TRAPPC12: variants seen among roughly 807,000 people sequenced by gnomAD.
TRAPPC12 encodes the protein trafficking protein particle complex subunit 12, also known as TPR repeat protein 15.
A neutral mutation model predicts 69.2 loss-of-function variants in TRAPPC12; 61 were observed. The observed-to-expected ratio is 0.88, with a 90% CI of 0.72 to 1.09. The LOEUF is 1.09. Among genes scored for constraint, TRAPPC12 ranks in the 50% least tolerant of loss-of-function variants. The pLI, the probability that TRAPPC12 is intolerant of heterozygous loss-of-function variation, is 0.00. For synonymous variants in TRAPPC12, 469 were observed against 438.9 expected, an observed-to-expected ratio of 1.07 and a Z score of -0.86; for missense variants, 1,101 against 1,016.4, an observed-to-expected ratio of 1.08 and a Z score of -1.13.
At chr2:3,428,130 G>T (rs1000408979) in intron 5 of TRAPPC12, among the ~76,000 whole-genome samples, 1 of 152,160 alleles carries the variant, frequency 6.6e-6, no homozygotes, top group Admixed American at 6.5e-5. Flanking sequence ...TCACTTTGAG[G>T]ACATTTTTTC....
At chr2:3,455,703 A>C (rs1288258546) in intron 6 of TRAPPC12, 3 of 152,222 alleles carry the variant, frequency 2.0e-5, no homozygotes, top group Non-Finnish European at 4.4e-5. Context: ...TTATGGCCGA[A>C]GAGTACTCCA....
At chr2:3,422,302 C>T (rs1359390523) in intron 4 of TRAPPC12, among the ~76,000 whole-genome samples, 2 of 152,086 alleles carry the variant, frequency 1.3e-5, no homozygotes, top group Non-Finnish European at 2.9e-5. Flanking sequence ...CTGTGCGGGG[C>T]TCTGGGGCGT....
chr2:3,402,814 C>T (rs1434791317), intron 3 of TRAPPC12, among the ~76,000 whole-genome samples: 6 of 152,148 alleles, frequency 3.9e-5, no homozygotes, highest in South Asian at 2.1e-4. Flanking sequence ...CATCTCACAC[C>T]GAATCTCAGC....
intron 1 of TRAPPC12, among the ~76,000 whole-genome samples, chr2:3,385,979 C>A (rs1026388118): frequency 5.9e-5 from 9 of 152,170 alleles, no homozygotes; most frequent in African/African-American, 2.2e-4. Context: ...GGAAAAAAAA[C>A]GTTTTACTCC....
intron 5 of TRAPPC12, among the ~76,000 whole-genome samples, chr2:3,441,128 A>G (rs549169690): frequency 6.6e-6 from 1 of 152,110 alleles, no homozygotes; most frequent in Non-Finnish European, 1.5e-5. Flanking sequence ...TATGTTCATG[A>G]GACATATTGG....
At chr2:3,382,809 A>G (rs1044806783) in intron 1 of TRAPPC12, among the ~76,000 whole-genome samples, 6 of 152,232 alleles carry the variant, frequency 3.9e-5, no homozygotes, top group African/African-American at 1.4e-4. Context: ...CTGTAGTCCC[A>G]GCTACTCCAG....
At chr2:3,404,922 CAAG>C (rs911693631) in intron 3 of TRAPPC12, among the ~76,000 whole-genome samples, 4 of 151,780 alleles carry the variant, frequency 2.6e-5, no homozygotes, top group African/African-American at 9.7e-5. Context: ...GATGAAACCA[CAAG>C]AAGATTAGTC....
intron 9 of TRAPPC12, among the ~76,000 whole-genome samples, chr2:3,469,882 G>A (rs1010122816): frequency 2.0e-5 from 3 of 152,232 alleles, no homozygotes; most frequent in African/African-American, 7.2e-5. Flanking sequence ...CTGAAGTCAT[G>A]TAACACAAAG....
At chr2:3,431,960 C>T (rs1179047588) in intron 5 of TRAPPC12, among the ~76,000 whole-genome samples, 3 of 152,126 alleles carry the variant, frequency 2.0e-5, no homozygotes, top group Non-Finnish European at 4.4e-5. Context: ...TGGAATTACC[C>T]CTCTCGTTCC....
chr2:3,476,077 T>A (rs1473540243), intron 9 of TRAPPC12, among the ~76,000 whole-genome samples: 1 of 152,188 alleles, frequency 6.6e-6, no homozygotes, highest in Non-Finnish European at 1.5e-5. Flanking sequence ...GTAGTGGACT[T>A]CAAACGGCTT....
chr2:3,435,019 GT>G (rs1663670649), intron 5 of TRAPPC12, among the ~76,000 whole-genome samples: 1 of 152,176 alleles, frequency 6.6e-6, no homozygotes, highest in African/African-American at 2.4e-5. Flanking sequence ...TGGTTTGTAT[GT>G]TCTTCTTTTT....
chr2:3,422,771 C>A (rs187092215), intron 4 of TRAPPC12, among the ~76,000 whole-genome samples: 1 of 152,336 alleles, frequency 6.6e-6, no homozygotes, highest in East Asian at 1.9e-4. Context: ...ATTGGTTTGC[C>A]AAATCTTAGG....
At chr2:3,401,217 A>G (rs1256659750) in intron 2 of TRAPPC12, among the ~76,000 whole-genome samples, 2 of 152,348 alleles carry the variant, frequency 1.3e-5, no homozygotes, top group East Asian at 3.9e-4. Flanking sequence ...TGGTGACCTC[A>G]GCACTGAAGA....
intron 2 of TRAPPC12, among the ~76,000 whole-genome samples, chr2:3,390,796 C>T (rs1168163957): frequency 2.0e-5 from 3 of 152,062 alleles, no homozygotes; most frequent in African/African-American, 7.2e-5. Context: ...ACCACTCTGG[C>T]GAGGTGCGTT....
chr2:3,460,028 C>T, intron 7 of TRAPPC12: 2 of 614,742 alleles, frequency 3.3e-6, no homozygotes, highest in Non-Finnish European at 2.9e-6. Context: ...CAGCCACCCT[C>T]CTGGTTCTCT....
At chr2:3,413,806 G>A (rs13020433) in intron 3 of TRAPPC12, among the ~76,000 whole-genome samples, 89,569 of 152,018 alleles carry the variant, frequency 0.59, 26,538 homozygotes, top group East Asian at 0.66. Context: ...CTGCCTGACA[G>A]TACTGTAAGT....
rs193041340 is a variant in TRAPPC12, at chr2:3,443,999, C to T, written c.1530+108C>T. The T allele has an allele frequency of 2.0e-4, 155 of 778,404 alleles. No individual in the cohort carries two copies. The African/African-American group carries it at 2.0e-3, about 10-fold the overall frequency. The allele number at this position is 778,404 out of a possible 1,614,324, so 48.2% of individuals were successfully genotyped here. ...CTGCCCGTCCTGCCCCATGCACCATCGCTGCTTCTGCCTTCAGAAGGCTAG... is the reference window on the plus strand; with the variant it reads ...CTGCCCGTCCTGCCCCATGCACCATTGCTGCTTCTGCCTTCAGAAGGCTAG... On this transcript the variant is annotated intron_variant, in intron 6 of 11. Transcript: ENST00000324266.
chr2:3,399,665 A>T (rs1478859876), intron 2 of TRAPPC12, among the ~76,000 whole-genome samples: 2 of 152,140 alleles, frequency 1.3e-5, no homozygotes, highest in Non-Finnish European at 2.9e-5. Flanking sequence ...CAGAGAAGCA[A>T]TGTCAGCAGC....
intron 6 of TRAPPC12, among the ~76,000 whole-genome samples, chr2:3,453,281 G>A (rs893850045): frequency 5.3e-5 from 8 of 152,148 alleles, no homozygotes; most frequent in African/African-American, 1.7e-4. Flanking sequence ...CACTGCCGGC[G>A]CCTGACCAGA....
Sources: allele counts gnomAD v4.1 joint callset (sites outside exome capture counted in the v4.1 genomes callset), GRCh38; gene constraint gnomAD v4.1.1; transcripts MANE v1.5; gene names NCBI Gene and HGNC (gene_info 2026-07-23, HGNC 2026-07-21).